The following SDAD1 variants were observed in gnomAD, a reference collection of about 807,000 sequenced individuals.
SDAD1 encodes SDA1 domain containing 1, also known as protein SDA1 homolog.
In SDAD1, 79 loss-of-function variants were observed where a neutral mutation model predicts 100.3. The ratio of observed to expected loss-of-function variants is 0.79; its 90% CI spans 0.66 to 0.95. The LOEUF is 0.95. Among genes scored for constraint, SDAD1 ranks in the 40% least tolerant of loss-of-function variants. The pLI is 0.00. For synonymous variants in SDAD1, 267 were observed against 271.4 expected, an observed-to-expected ratio of 0.98 and a Z score of 0.16; for missense variants, 790 against 810.9, an observed-to-expected ratio of 0.97 and a Z score of 0.31.
chr4:75,956,666 T>A (rs1728914278), intron 20 of SDAD1, among the ~76,000 whole-genome samples: 1 of 152,224 alleles, frequency 6.6e-6, no homozygotes, highest in South Asian at 2.1e-4. Context: ...TGGCTCTGGC[T>A]TTTCACTGGT....
At chr4:75,968,877 A>G (rs1729702435) in intron 11 of SDAD1, among the ~76,000 whole-genome samples, 2 of 151,804 alleles carry the variant, frequency 1.3e-5, no homozygotes, top group South Asian at 4.2e-4. Flanking sequence ...TAAAAATACA[A>G]AAAAACTAGC....
intron 6 of SDAD1, among the ~76,000 whole-genome samples, chr4:75,974,851 C>CCAA (rs1472130510): frequency 3.3e-5 from 5 of 152,016 alleles, no homozygotes; most frequent in African/African-American, 1.2e-4. Context: ...ACCATCCTGG[C>CCAA]CAACATGGTG....
intron 13 of SDAD1, among the ~76,000 whole-genome samples, chr4:75,964,564 G>A (rs1312110765): frequency 6.6e-6 from 1 of 152,082 alleles, no homozygotes; most frequent in African/African-American, 2.4e-5. Context: ...GAACTTCTGT[G>A]TAGATCCCCT....
Position 75,950,775 on chromosome 4 carries a change from A to G in SDAD1, c.2039T>C (p.Leu680Ser). 1 of 1,593,196 alleles carries G rather than the reference A, an allele frequency of 6.3e-7. No individual in the cohort carries two copies. The highest frequency in any genetic ancestry group is 8.6e-7 in the Non-Finnish European group (1 of 1,163,542). ...EKQLALRDAL[L>S]KKRKRMK ...TTACTTCATTCTTTTTCTCTTTTTC[A>G]AAAGTGCATCTCGTAGTGCCAACTG... The change falls in exon 22 of 22, where the codon TTG (leucine) becomes TCG (serine). Residue 680 changes from leucine to serine, a missense_variant. Physicochemically the swap from Leu to Ser is moderately radical, Grantham distance 145. Transcript: ENST00000356260.
rs183674889 is a variant in SDAD1 at position 75,965,241 on chromosome 4, C to T, written c.1104+523G>A. On this transcript the variant is annotated intron_variant, in intron 13 of 21. Coordinates refer to ENST00000356260, the MANE Select transcript of SDAD1 (RefSeq NM_018115.4). ...AAGGGATGAAATAAGCCCCGGTCTC[C>T]CGTGGCACTCCCAGGCTTATTAGGA... Among the ~76,000 whole-genome samples the T allele has an allele frequency of 9.4e-4, 143 of 152,274 alleles. 1 individual carries two copies. The highest frequency in any genetic ancestry group is 3.3e-3 in the African/African-American group (137 of 41,548).
intron 3 of SDAD1, 141 bp from the exon 4 acceptor site, chr4:75,977,897 A>G (rs1191249620): frequency 8.3e-6 from 5 of 599,672 alleles, no homozygotes; most frequent in South Asian, 4.2e-5. Context: ...CTCTGCCTTC[A>G]TGGAGCTTAC....
intron 11 of SDAD1, 112 bp downstream of exon 11, chr4:75,969,184 T>G: frequency 1.6e-6 from 1 of 637,836 alleles, no homozygotes; most frequent in East Asian, 2.8e-5. Flanking sequence ...ATTTTATGTG[T>G]TTAAATGTAT....
chr4:75,988,322 C>A (rs1409694305), intron 1 of SDAD1, among the ~76,000 whole-genome samples: 2 of 152,206 alleles, frequency 1.3e-5, no homozygotes, highest in Non-Finnish European at 2.9e-5. Flanking sequence ...TGGAGCCACA[C>A]TGGCCTTTAT....
intron 13 of SDAD1, 83 bp downstream of exon 13, chr4:75,965,681 G>T: frequency 9.2e-7 from 1 of 1,090,126 alleles, no homozygotes; most frequent in Non-Finnish European, 1.4e-6. Context: ...TCGGGGGCAG[G>T]TTCCCCCGAT....
At position 75,965,832 on chromosome 4, in the gene SDAD1, T is replaced by C. The variant is rs1428688749; in HGVS notation, c.1046-10A>G. ...AGGATCTTGGTTACTTCTGAAAACA[T>C]AAGAGAACAGAAAGGTCATGGTCAG... On this transcript the variant is annotated splice_polypyrimidine_tract_variant and intron_variant, in intron 12 of 21. Coordinates refer to ENST00000356260, the MANE Select transcript of SDAD1 (RefSeq NM_018115.4). 1.2e-6 allele frequency: 2 copies of C among 1,612,428 alleles called. No individual in the cohort carries two copies. Among genetic ancestry groups the C allele is most frequent in the South Asian group, 1.1e-5 (1 of 90,958 alleles).
intron 3 of SDAD1, among the ~76,000 whole-genome samples, chr4:75,979,545 TC>T (rs1240401766): frequency 1.3e-5 from 2 of 151,768 alleles, no homozygotes; most frequent in African/African-American, 4.8e-5. Context: ...AACCTCCGCC[TC>T]CCAGGTTCAA....
rs1728873652 is a variant in SDAD1 at position 75,956,068 on chromosome 4, T to C, written c.1923A>G (p.Thr641=). The change falls in exon 21 of 22, where the codon ACA becomes ACG. Residue 641 remains threonine (T), a synonymous_variant. Transcript: ENST00000356260. Reference sequence around the variant, plus strand: ...TCTTCTGTTTTTTCTTCTCTTTATTTGTCGAACTGGAAAATGGATTTGTTT... The same window carrying C: ...TCTTCTGTTTTTTCTTCTCTTTATTCGTCGAACTGGAAAATGGATTTGTTT... ...KTKTNPFSSS[T]NKEKKKQKNF... The C allele has an allele frequency of 6.2e-7, 1 of 1,613,746 alleles. No individual in the cohort carries two copies. The highest frequency in any genetic ancestry group is 8.5e-7 in the Non-Finnish European group (1 of 1,179,920).
At position 75,979,176 on chromosome 4, in the gene SDAD1, CT is replaced by C. The variant is rs1190481713; in HGVS notation, c.295-1421del. Among the ~76,000 whole-genome samples, 23 of 151,704 alleles carry C rather than the reference CT, an allele frequency of 1.5e-4. No homozygotes were observed. The Middle Eastern group carries it at 0.01, about 67-fold the overall frequency. On this transcript the variant is annotated intron_variant, in intron 3 of 21. Coordinates refer to ENST00000356260, the MANE Select transcript of SDAD1 (RefSeq NM_018115.4). Reference sequence around the variant, plus strand: ...TATAACTTGACTTTTATTGATTTGACTAAGTAGGTAAGAATTACTATATATG... The same window carrying C: ...TATAACTTGACTTTTATTGATTTGACAAGTAGGTAAGAATTACTATATATG...
At chr4:75,965,922 G>A in intron 12 of SDAD1, 100 bp from the exon 13 acceptor site, 1 of 925,908 alleles carries the variant, frequency 1.1e-6, no homozygotes, top group Non-Finnish European at 1.7e-6. Context: ...AAATGGTATT[G>A]CTGCGTATTC....
intron 10 of SDAD1, 55 bp downstream of exon 10, chr4:75,970,254 A>G: frequency 4.9e-6 from 7 of 1,433,138 alleles, no homozygotes; most frequent in Non-Finnish European, 6.8e-6. Flanking sequence ...AAAGGCAGGA[A>G]ATAAAATAGG....
chr4:75,984,930 C>T (rs1730798955), intron 1 of SDAD1, among the ~76,000 whole-genome samples: 2 of 152,078 alleles, frequency 1.3e-5, no homozygotes, highest in Non-Finnish European at 2.9e-5. Flanking sequence ...GGTCAAAAAA[C>T]ACAACTTGAT....
At chr4:75,966,251 T>C (rs1729530813) in intron 12 of SDAD1, among the ~76,000 whole-genome samples, 1 of 144,534 alleles carries the variant, frequency 6.9e-6, no homozygotes, top group Admixed American at 7.1e-5. Context: ...AAATAAATAC[T>C]TGCTGAATGA....
chr4:75,963,818 A>G (rs997004625), intron 14 of SDAD1, among the ~76,000 whole-genome samples: 2 of 152,180 alleles, frequency 1.3e-5, no homozygotes, highest in African/African-American at 4.8e-5. Flanking sequence ...CCAAATATTT[A>G]TTTTATTAGC....
At position 75,973,403 on chromosome 4, in the gene SDAD1, T is replaced by C. The variant is rs562441895; in HGVS notation, c.637-12A>G. On this transcript the variant is annotated splice_polypyrimidine_tract_variant and intron_variant, in intron 7 of 21. Transcript: ENST00000356260. ...GCGGCAACTAATATCTAAACACCAA[T>C]GAGAAAAAAGTCAGCTACTTGATTC... The C allele has an allele frequency of 5.1e-4, 824 of 1,607,350 alleles. 7 individuals are homozygous for C. The South Asian group carries it at 8.8e-3, about 17-fold the overall frequency.
Sources: allele counts gnomAD v4.1 joint callset (sites outside exome capture counted in the v4.1 genomes callset), GRCh38; gene constraint gnomAD v4.1.1; transcripts MANE v1.5; gene names NCBI Gene and HGNC (gene_info 2026-07-23, HGNC 2026-07-21).